The following RHOBTB1 variants were observed in gnomAD, a reference collection of about 807,000 sequenced individuals.
RHOBTB1 encodes rho-related BTB domain-containing protein 1.
Under a neutral mutation model 71.6 loss-of-function variants are expected in RHOBTB1, and 40 were observed. The ratio of observed to expected loss-of-function variants is 0.56; its 90% confidence interval spans 0.43 to 0.73. The LOEUF (loss-of-function observed/expected upper bound fraction) is 0.73, where lower values mean the gene tolerates loss of function less well. RHOBTB1 is among the 30% of genes least tolerant of loss of function. The pLI is 0.00. For missense variants in RHOBTB1, 797 were observed against 894.0 expected (o/e 0.89, Z 1.38); for synonymous variants, 319 against 334.9 (o/e 0.95, Z 0.52).
chr10:60,886,334 C>T, intron 6 of RHOBTB1, 104 bp from the exon 7 acceptor site: 3 of 736,302 alleles, frequency 4.1e-6, no homozygotes, highest in Non-Finnish European at 7.1e-6. Flanking sequence ...CTTACTCTCT[C>T]TTGCATGTCT....
chr10:60,877,170 C>T (rs1362814693), intron 8 of RHOBTB1: 1 of 152,198 alleles, frequency 6.6e-6, no homozygotes, highest in Non-Finnish European at 1.5e-5. Flanking sequence ...CTTCAGCTTC[C>T]CAACTGAACA....
chr10:60,956,077 AGTGTG>A (rs2085581636), intron 2 of RHOBTB1, among the ~76,000 whole-genome samples: 1 of 152,172 alleles, frequency 6.6e-6, no homozygotes, highest in Non-Finnish European at 1.5e-5. Flanking sequence ...AACATCATAC[AGTGTG>A]CTTACACAAA....
chr10:60,871,564 C>T lies in RHOBTB1; in HGVS notation c.2009G>A (p.Arg670Gln), dbSNP rs145680859. The T allele has an allele frequency of 2.2e-5, 36 of 1,614,086 alleles. No individual in the cohort carries two copies. In the Middle Eastern group the frequency reaches 4.9e-4, roughly 22 times the overall value. Reference sequence around the variant, plus strand: ...ATTTAGTGCAATATCTTCCTTCTCTCGTTCCCTTTTCACACGCTGGTAGTG... The same window carrying T: ...ATTTAGTGCAATATCTTCCTTCTCTTGTTCCCTTTTCACACGCTGGTAGTG... ...EDHYQRVKREREKEDIALNKH... is the reference protein window; with the variant it reads ...EDHYQRVKREQEKEDIALNKH... The change falls in exon 11 of 11, where the codon CGA (arginine) becomes CAA (glutamine). Residue 670 changes from arginine (R) to glutamine (Q), a missense_variant. Physicochemically the swap from Arg to Gln is conservative, Grantham distance 43. This residue lies in a region of RHOBTB1 where 658 missense variants were observed against 681.5 expected (regional missense o/e 0.97). Coordinates refer to ENST00000337910, the MANE Select transcript of RHOBTB1 (RefSeq NM_014836.5).
intron 2 of RHOBTB1, among the ~76,000 whole-genome samples, chr10:60,985,193 TGAA>T (rs1160563331): frequency 2.0e-5 from 3 of 150,974 alleles, no homozygotes; most frequent in Non-Finnish European, 2.9e-5. Flanking sequence ...TAAAATACAA[TGAA>T]GAGTGAAAAT....
At chr10:60,879,855 T>C (rs1216032185) in intron 7 of RHOBTB1, among the ~76,000 whole-genome samples, 1 of 152,144 alleles carries the variant, frequency 6.6e-6, no homozygotes, top group Non-Finnish European at 1.5e-5. Flanking sequence ...CATCTCTATC[T>C]GTGGGTTCCA....
chr10:60,966,244 A>G (rs765294706), intron 2 of RHOBTB1, among the ~76,000 whole-genome samples: 4 of 152,004 alleles, frequency 2.6e-5, no homozygotes, highest in Admixed American at 2.0e-4. Flanking sequence ...TTATCTGTCT[A>G]TATTTTTAGC....
chr10:60,874,824 T>C (rs2080964814), intron 9 of RHOBTB1, 130 bp downstream of exon 9: 3 of 674,248 alleles, frequency 4.4e-6, no homozygotes, highest in South Asian at 3.5e-5. Context: ...ATCTTCTTAG[T>C]GTACACAGGG....
At chr10:60,865,939 T>G (rs2080633982), downstream of RHOBTB1, among the ~76,000 whole-genome samples, 1 of 152,108 alleles carries the variant, frequency 6.6e-6, no homozygotes, top group African/African-American at 2.4e-5. Flanking sequence ...CCAAGCAATT[T>G]TCCTGCCTCA....
intron 4 of RHOBTB1, among the ~76,000 whole-genome samples, chr10:60,909,582 C>G (rs896258283): frequency 6.6e-6 from 1 of 152,146 alleles, no homozygotes; most frequent in South Asian, 2.1e-4. Context: ...ACCTGACTGC[C>G]CAGCAGTTAC....
intron 1 of RHOBTB1, among the ~76,000 whole-genome samples, chr10:60,991,341 G>T (rs2086857372): frequency 6.6e-6 from 1 of 151,990 alleles, no homozygotes; most frequent in Admixed American, 6.6e-5. Context: ...TGGCTAAAAA[G>T]GCTCCCTTGG....
At chr10:60,924,235 G>A (rs1021596055) in intron 2 of RHOBTB1, among the ~76,000 whole-genome samples, 4 of 150,348 alleles carry the variant, frequency 2.7e-5, no homozygotes, top group African/African-American at 7.5e-5. Context: ...ATAATGATAC[G>A]AATGACTATA....
downstream of RHOBTB1, among the ~76,000 whole-genome samples, chr10:60,865,458 G>A (rs2080632420): frequency 6.6e-6 from 1 of 152,116 alleles, no homozygotes; most frequent in African/African-American, 2.4e-5. Context: ...TTTTTTAAAC[G>A]CAGAAAAACA....
chr10:60,955,104 G>A (rs903854493), intron 2 of RHOBTB1, among the ~76,000 whole-genome samples: 33 of 142,676 alleles, frequency 2.3e-4, no homozygotes, highest in Admixed American at 2.2e-3. Context: ...GAATGCAGTG[G>A]TGCCATCTCT....
chr10:60,973,451 TTTG>T (rs1320927823), intron 2 of RHOBTB1, among the ~76,000 whole-genome samples: 1 of 152,126 alleles, frequency 6.6e-6, no homozygotes, highest in Non-Finnish European at 1.5e-5. Context: ...AGCCTTCTTT[TTTG>T]TTGTTGTTTT....
intron 2 of RHOBTB1, among the ~76,000 whole-genome samples, chr10:60,922,052 T>C (rs1394806235): frequency 2.0e-5 from 3 of 152,174 alleles, no homozygotes; most frequent in African/African-American, 4.8e-5. Context: ...CTTGTTTATT[T>C]TGTTCTAGTT....
At chr10:60,986,404 G>GATATATCTATAT (rs1318532187) in intron 1 of RHOBTB1, among the ~76,000 whole-genome samples, 28 of 67,636 alleles carry the variant, frequency 4.1e-4, no homozygotes, top group African/African-American at 1.1e-3. Context: ...ATAAATAAAA[G>GATATATCTATAT]ATATATATAT....
At chr10:60,965,055 T>A (rs1429688340) in intron 2 of RHOBTB1, among the ~76,000 whole-genome samples, 1 of 152,106 alleles carries the variant, frequency 6.6e-6, no homozygotes, top group East Asian at 1.9e-4. Context: ...GTGAGTTACT[T>A]ATAAGGCATC....
chr10:60,939,005 G>A (rs190273227), intron 2 of RHOBTB1, among the ~76,000 whole-genome samples: 145 of 152,216 alleles, frequency 9.5e-4, no homozygotes, highest in East Asian at 6.6e-3. Context: ...CAGAGAGACG[G>A]AACCTGAGAT....
At chr10:60,918,450 C>T (rs929679810) in intron 2 of RHOBTB1, among the ~76,000 whole-genome samples, 1 of 152,162 alleles carries the variant, frequency 6.6e-6, no homozygotes, top group Non-Finnish European at 1.5e-5. Context: ...CCTAGAAGAC[C>T]TCTGGAGTTC....
Sources: gnomAD v4.1 joint callset for allele counts (sites outside exome capture counted in the v4.1 genomes callset) on GRCh38, gnomAD v4.1.1 for gene constraint, gnomAD v4.1.1 regional missense constraint, MANE v1.5 for transcripts, NCBI Gene and HGNC (gene_info 2026-07-23, HGNC 2026-07-21) for gene names.